Variants in UMODL1 observed in about 807,000 individuals in gnomAD.
UMODL1 encodes the protein uromodulin-like 1.
UMODL1 carries 128 observed loss-of-function variants against 136.3 expected under a neutral mutation model. The ratio of observed to expected loss-of-function variants is 0.94; its 90% CI spans 0.81 to 1.09. The LOEUF (loss-of-function observed/expected upper bound fraction) is 1.09. Ranked by LOEUF, UMODL1 falls within the 50% of genes least tolerant of loss-of-function variation. The pLI is 0.00. For missense variants in UMODL1, 1,766 were observed against 1,725.6 expected (o/e 1.02, Z -0.41); for synonymous variants, 721 against 720.0 (o/e 1.00, Z -0.02).
chr21:42,109,720 C>A lies in UMODL1; in HGVS notation c.1657+21C>A, dbSNP rs558570734. The A allele has an allele frequency of 1.3e-5, 20 of 1,597,736 alleles. No homozygotes were observed. In the East Asian group the frequency reaches 2.2e-4, roughly 18 times the overall value. ...TGAGGGTACGTGTCGACCCCCCTGC[C>A]GACTCTGGGAAGACCCCCTGCCCGA... On this transcript the variant is annotated intron_variant, in intron 10 of 22. Coordinates refer to ENST00000408910, the MANE Select transcript of UMODL1 (RefSeq NM_001004416.3).
Position 42,113,444 on chromosome 21 carries a change from T to C in UMODL1, c.2105-129T>C, listed in dbSNP as rs148017404. 5.3e-4 allele frequency: 618 copies of C among 1,161,744 alleles called. 6 individuals are homozygous for C. The East Asian group carries it at 0.015, about 28-fold the overall frequency. The allele number at this position is 1,161,744 out of a possible 1,614,324, so 72.0% of individuals were successfully genotyped here. On this transcript the variant is annotated intron_variant, in intron 12 of 22. Transcript: ENST00000408910. Reference sequence around the variant, plus strand: ...TACAGGATCCTACTCACCCATCACCTCGGCGGCCATCACCTGCAAATCGCT... The same window carrying C: ...TACAGGATCCTACTCACCCATCACCCCGGCGGCCATCACCTGCAAATCGCT...
chr21:42,083,318 C>A (rs1330969444), intron 2 of UMODL1, among the ~76,000 whole-genome samples: 1 of 152,210 alleles, frequency 6.6e-6, no homozygotes. Flanking sequence ...AGACCCGAAG[C>A]CTGGGAGCCT....
At chr21:42,138,134 G>T (rs962202539) in intron 22 of UMODL1, among the ~76,000 whole-genome samples, 4 of 152,164 alleles carry the variant, frequency 2.6e-5, no homozygotes, top group Non-Finnish European at 5.9e-5. Context: ...ACCCGGGCAA[G>T]GTCCTGAGCC....
intron 1 of UMODL1, among the ~76,000 whole-genome samples, chr21:42,063,838 G>A (rs529221235): frequency 1.3e-5 from 2 of 152,156 alleles, no homozygotes; most frequent in African/African-American, 2.4e-5. Context: ...GGAAGCAGCC[G>A]TGTGCACCAG....
chr21:42,113,988 A>G (rs538666622), intron 13 of UMODL1, among the ~76,000 whole-genome samples, 158 bp downstream of exon 13: 1 of 152,338 alleles, frequency 6.6e-6, no homozygotes, highest in African/African-American at 2.4e-5. Context: ...CAGGCGTGCA[A>G]TGACGGCCAG....
At chr21:42,062,924 C>T (rs561289701), upstream of UMODL1, 4 of 152,360 alleles carry the variant, frequency 2.6e-5, no homozygotes, top group Admixed American at 6.5e-5. Flanking sequence ...TCTCGCAGCT[C>T]GGAGGCTGCA....
chr21:42,118,022 G>A (rs753685597), intron 14 of UMODL1, among the ~76,000 whole-genome samples: 1 of 152,156 alleles, frequency 6.6e-6, no homozygotes, highest in African/African-American at 2.4e-5. Flanking sequence ...AAATTTCGGG[G>A]GTTTCACTTG....
In UMODL1 at chr21:42,085,008, C is replaced by T. The variant is rs978369326; in HGVS notation, c.482-283C>T. On this transcript the variant is annotated intron_variant, in intron 3 of 22. Coordinates refer to ENST00000408910, the MANE Select transcript of UMODL1 (RefSeq NM_001004416.3). The surrounding 1 kb of genome is among the most constrained non-coding windows in gnomAD (Gnocchi z 4.5). ...TGATAGGCTCTATTTACCTCCTAAGCAGATCTCTTCAAGGGAAGGCCTGCT... is the reference window on the plus strand; with the variant it reads ...TGATAGGCTCTATTTACCTCCTAAGTAGATCTCTTCAAGGGAAGGCCTGCT... Among the ~76,000 whole-genome samples, 1 of 151,974 alleles carries T rather than the reference C, an allele frequency of 6.6e-6. No individual in the cohort carries two copies. The highest frequency in any genetic ancestry group is 1.5e-5 in the Non-Finnish European group (1 of 68,018).
At position 42,137,454 on chromosome 21, in the gene UMODL1, C is replaced by T. The variant is rs934558334; in HGVS notation, c.3791C>T (p.Ala1264Val). The change falls in exon 22 of 23, where the codon GCA becomes GTA. Residue 1264 changes from alanine (A) to valine (V), a missense_variant. By Grantham distance (64) the Ala-to-Val change is moderately conservative. Transcript: ENST00000408910. Reference protein sequence around the residue: ...LIRSEGEPPHAEAGLGAGYVV... With the variant: ...LIRSEGEPPHVEAGLGAGYVV... ...CCTCCCCGAGGTGAGCCTCCTCATG[C>T]AGAAGCAGGCCTGGGTGCCGGTTAT... 6.2e-7 allele frequency: 1 copy of T among 1,614,236 alleles called. No individual in the cohort carries two copies. The highest frequency in any genetic ancestry group is 2.2e-5 in the East Asian group (1 of 44,886).
intron 2 of UMODL1, among the ~76,000 whole-genome samples, chr21:42,078,922 G>A (rs2066327516): frequency 6.6e-6 from 1 of 152,194 alleles, no homozygotes; most frequent in Non-Finnish European, 1.5e-5. Context: ...CACACACAGA[G>A]GGGCCTGCTG....
At chr21:42,137,986 C>T (rs1482336877) in intron 22 of UMODL1, among the ~76,000 whole-genome samples, 3 of 152,066 alleles carry the variant, frequency 2.0e-5, no homozygotes, top group Non-Finnish European at 4.4e-5. Flanking sequence ...GGGGAAACTA[C>T]AGGTAGGTTG....
At position 42,101,662 on chromosome 21, in the gene UMODL1, C is replaced by T. The variant is rs538924333; in HGVS notation, c.1187-504C>T. On this transcript the variant is annotated intron_variant, in intron 7 of 22. Coordinates refer to ENST00000408910, the MANE Select transcript of UMODL1 (RefSeq NM_001004416.3). ...CATCTTTGCTTATGCCCCAAAATAACGCAACCTCCCTTGTAAGTAAGCAAC... is the reference window on the plus strand; with the variant it reads ...CATCTTTGCTTATGCCCCAAAATAATGCAACCTCCCTTGTAAGTAAGCAAC... The T allele has an allele frequency of 1.1e-4, 48 of 449,572 alleles. 1 individual carries two copies. The highest frequency in any genetic ancestry group is 4.1e-4 in the South Asian group (26 of 63,130). 27.8% of individuals were successfully genotyped at this position (449,572 alleles called of 1,614,324 possible).
At chr21:42,088,875 A>G (rs1041677737) in intron 5 of UMODL1, among the ~76,000 whole-genome samples, 20 of 151,962 alleles carry the variant, frequency 1.3e-4, no homozygotes, top group African/African-American at 4.6e-4. Context: ...GGTTTCCTAA[A>G]TTTCCCTCTC....
chr21:42,103,841 T>A (rs368798193), intron 8 of UMODL1, 27 bp from the exon 9 acceptor site: 148 of 1,613,176 alleles, frequency 9.2e-5, no homozygotes, highest in Non-Finnish European at 1.2e-4. Flanking sequence ...CGTTGATGGA[T>A]GTCTGCTGTT....
rs220152 is a variant in UMODL1, at chr21:42,122,643, G to T, written c.2828-188G>T. Among the ~76,000 whole-genome samples the T allele has an allele frequency of 0.22, 32,588 of 147,430 alleles. 3,573 individuals carry two copies. The highest frequency in any genetic ancestry group is 0.29 in the Admixed American group (4,293 of 14,866). ...TGTGTGTGCATGCACGTGTGTGTAC[G>T]TGTGTGTGCATATGTGTGCGTGTGT... On this transcript the variant is annotated intron_variant, in intron 16 of 22. Transcript: ENST00000408910. This position sits in a 1 kb window ranked among gnomAD's most constrained non-coding sequence, Gnocchi z 4.3.
intron 1 of UMODL1, among the ~76,000 whole-genome samples, chr21:42,075,244 G>A (rs574489994): frequency 1.7e-4 from 24 of 143,192 alleles, no homozygotes; most frequent in Admixed American, 7.6e-4. Context: ...CTGGAGATGG[G>A]GGGGGGGTTT....
In UMODL1 at chr21:42,111,541, G is replaced by T. The variant is rs113798867; in HGVS notation, c.1935G>T (p.Trp645Cys). Residue 645 changes from tryptophan to cysteine, a missense_variant, in exon 12 of 23, where the codon TGG becomes TGT. By Grantham distance (215) the Trp-to-Cys change is radical (BLOSUM62 -2). Transcript: ENST00000408910. ...QGNSIMEPPS[W>C]PSPTEDPTGH... ...ACTCCATCATGGAGCCACCCTCCTG[G>T]CCTTCCCCTACTGAGGACCCCACCG... 5.4e-4 allele frequency: 864 copies of T among 1,614,048 alleles called. 6 individuals carry two copies. In the African/African-American group the frequency reaches 9.8e-3, roughly 18 times the overall value.
chr21:42,136,735 TG>T (rs2067209747), intron 21 of UMODL1, among the ~76,000 whole-genome samples: 1 of 152,072 alleles, frequency 6.6e-6, no homozygotes, highest in South Asian at 2.1e-4. Context: ...TTTTGTTTCT[TG>T]TTTTTTTGTT....
Position 42,126,997 on chromosome 21 carries a change from C to G in UMODL1, c.3294-9C>G. The G allele has an allele frequency of 6.2e-7, 1 of 1,610,350 alleles. No homozygotes were observed. The highest frequency in any genetic ancestry group is 8.5e-7 in the Non-Finnish European group (1 of 1,176,550). ...AAACATGCCTCCTGCAAGCTGCTTCCTCTTGCAGGGTTTACACCATCATCG... is the reference window on the plus strand; with the variant it reads ...AAACATGCCTCCTGCAAGCTGCTTCGTCTTGCAGGGTTTACACCATCATCG... On this transcript the variant is annotated splice_polypyrimidine_tract_variant and intron_variant, in intron 18 of 22. Transcript: ENST00000408910.
Sources: allele counts gnomAD v4.1 joint callset (sites outside exome capture counted in the v4.1 genomes callset), GRCh38; gene constraint gnomAD v4.1.1; non-coding constraint Gnocchi (gnomAD v3.1); transcripts MANE v1.5; gene names NCBI Gene and HGNC (gene_info 2026-07-23, HGNC 2026-07-21).